The following KLHL4 variants were observed in gnomAD, a reference collection of about 807,000 sequenced individuals.
KLHL4 encodes kelch like family member 4.
KLHL4 carries 17 observed loss-of-function variants against 45.8 expected under a neutral mutation model. That is an observed-to-expected ratio of 0.37 (90% CI 0.25 to 0.56). The LOEUF (loss-of-function observed/expected upper bound fraction) is 0.56. KLHL4 is among the 20% of genes least tolerant of loss of function. KLHL4 has a pLI of 0.79. For synonymous variants in KLHL4, 224 were observed against 189.9 expected (o/e 1.18, Z -1.47); for missense variants, 544 against 544.9 (o/e 1.00, Z 0.02).
At chrX:87,533,031 A>T (rs1290947527) in intron 1 of KLHL4, among the ~76,000 whole-genome samples, 25 of 105,837 alleles carry the variant, frequency 2.4e-4, no homozygotes, top group Non-Finnish European at 4.7e-4. Flanking sequence ...TTAGAATGGC[A>T]ATCATTAAAA....
chrX:87,644,360 A>G (rs1034571787), intron 9 of KLHL4, among the ~76,000 whole-genome samples: 5 of 111,044 alleles, frequency 4.5e-5, no homozygotes, highest in African/African-American at 9.8e-5. Flanking sequence ...GGGTCAAAAG[A>G]CCTCTACAAG....
At chrX:87,542,613 G>A (rs1931585102) in intron 1 of KLHL4, among the ~76,000 whole-genome samples, 1 of 112,662 alleles carries the variant, frequency 8.9e-6, no homozygotes, top group South Asian at 3.6e-4. Flanking sequence ...TGGGGCATGT[G>A]GCCCCTTTGT....
intron 1 of KLHL4, among the ~76,000 whole-genome samples, chrX:87,600,347 G>A (rs759099586): frequency 3.5e-4 from 39 of 110,948 alleles, no homozygotes; most frequent in African/African-American, 1.2e-3. Flanking sequence ...AGCCGGGCGT[G>A]GTGGCGGGCA....
At chrX:87,632,513 T>C in intron 7 of KLHL4, 79 bp downstream of exon 7, 1 of 660,166 alleles carries the variant, frequency 1.5e-6, no homozygotes, top group Non-Finnish European at 2.2e-6. Flanking sequence ...CAGCACATTA[T>C]TGGGATTTAG....
intron 9 of KLHL4, among the ~76,000 whole-genome samples, chrX:87,636,757 C>T (rs1253980120): frequency 9.1e-6 from 1 of 109,792 alleles, no homozygotes; most frequent in Non-Finnish European, 1.9e-5. Flanking sequence ...AGCCATAATC[C>T]CCCTGGGAAC....
intron 1 of KLHL4, among the ~76,000 whole-genome samples, chrX:87,585,433 T>C (rs952345600): frequency 7.2e-5 from 8 of 111,606 alleles, no homozygotes. Context: ...CATAGTACAA[T>C]ACGATATAAA....
At chrX:87,629,473 A>G (rs1923033253) in intron 6 of KLHL4, among the ~76,000 whole-genome samples, 2 of 110,780 alleles carry the variant, frequency 1.8e-5, no homozygotes, top group Admixed American at 1.9e-4. Flanking sequence ...GGATCATTTT[A>G]TCTTTATTGA....
chrX:87,653,709 G>A (rs1032166763), intron 9 of KLHL4, among the ~76,000 whole-genome samples: 10 of 111,606 alleles, frequency 9.0e-5, no homozygotes, highest in African/African-American at 2.6e-4. Context: ...ATTCATAATA[G>A]CAAAGACATA....
chrX:87,647,001 A>G (rs905369964), intron 9 of KLHL4, among the ~76,000 whole-genome samples: 1 of 111,447 alleles, frequency 9.0e-6, no homozygotes, highest in Admixed American at 9.5e-5. Flanking sequence ...CATCTAACAA[A>G]GGACAGAATC....
chrX:87,527,814 G>GA lies in KLHL4; in HGVS notation c.422+9514dup, dbSNP rs11354717. Among the ~76,000 whole-genome samples, 564 of 82,906 alleles carry GA rather than the reference G, an allele frequency of 6.8e-3. 4 individuals carry two copies. The highest frequency in any genetic ancestry group is 8.4e-3 in the Non-Finnish European group (338 of 40,151). The allele number at this position is 82,906 out of a possible 115,157, so 72.0% of individuals were successfully genotyped here. On this transcript the variant is annotated intron_variant, in intron 1 of 10. Coordinates refer to ENST00000373119, the MANE Select transcript of KLHL4 (RefSeq NM_019117.5). The stretch of plus-strand genomic sequence containing the variant: ...TCTGGGAAAGCTACTCACAAAATTG[G>GA]AAAAAAAAAAAAAAACAATTGTTCT...
In KLHL4 at chrX:87,618,122, C is replaced by T. The variant is rs1316419062; in HGVS notation, c.918C>T (p.Tyr306=). The T allele has an allele frequency of 2.6e-6, 3 of 1,176,332 alleles. No homozygotes were observed. The highest frequency in any genetic ancestry group is 3.4e-6 in the Non-Finnish European group (3 of 875,550). Residue 306 remains tyrosine (Y), a synonymous_variant, in exon 4 of 11, where the codon TAC becomes TAT. Coordinates refer to ENST00000373119, the MANE Select transcript of KLHL4 (RefSeq NM_019117.5). ...AACTTCTGAACGTGGCACACAAATA[C>T]ACTATGGTAAAATCAATTGCTTCAA... ...CTELLNVAHK[Y]TMEHFIEVIK...
intron 1 of KLHL4, among the ~76,000 whole-genome samples, chrX:87,540,985 T>A (rs1465931281): frequency 9.0e-6 from 1 of 111,148 alleles, no homozygotes; most frequent in Non-Finnish European, 1.9e-5. Flanking sequence ...AGGGAACCAC[T>A]GTCATATATG....
chrX:87,597,594 C>T (rs773440760), intron 1 of KLHL4, among the ~76,000 whole-genome samples: 2 of 111,598 alleles, frequency 1.8e-5, no homozygotes, highest in Non-Finnish European at 3.8e-5. Context: ...GAGTTAGGTA[C>T]ATATGGAAAG....
At chrX:87,648,019 G>C (rs1280895915) in intron 9 of KLHL4, among the ~76,000 whole-genome samples, 1 of 110,833 alleles carries the variant, frequency 9.0e-6, no homozygotes, top group African/African-American at 3.3e-5. Flanking sequence ...ATATACAGAA[G>C]TATTTATTGC....
intron 1 of KLHL4, among the ~76,000 whole-genome samples, chrX:87,582,909 C>T (rs1921332241): frequency 9.0e-6 from 1 of 111,570 alleles, no homozygotes; most frequent in Admixed American, 9.4e-5. Context: ...CTGGGGTGGC[C>T]AGCTTTTATT....
At chrX:87,559,992 T>C (rs1386714417) in intron 1 of KLHL4, among the ~76,000 whole-genome samples, 1 of 112,097 alleles carries the variant, frequency 8.9e-6, no homozygotes, top group Non-Finnish European at 1.9e-5. Flanking sequence ...GAATATTGTG[T>C]TTATATGTGT....
At chrX:87,644,078 G>A (rs769500754) in intron 9 of KLHL4, among the ~76,000 whole-genome samples, 1 of 111,218 alleles carries the variant, frequency 9.0e-6, no homozygotes, top group East Asian at 2.8e-4. Context: ...AAGGAATAAA[G>A]GGCATCCAAA....
chrX:87,587,070 A>G (rs1224908784), intron 1 of KLHL4, among the ~76,000 whole-genome samples: 3 of 107,275 alleles, frequency 2.8e-5, no homozygotes, highest in African/African-American at 1.0e-4. Flanking sequence ...GATTGAACCA[A>G]AAATAAATCT....
Position 87,666,749 on chromosome X carries a change from T to C in KLHL4, c.*215T>C, listed in dbSNP as rs1346256050. The C allele has an allele frequency of 1.1e-6, 1 of 934,414 alleles. No individual in the cohort carries two copies. The highest frequency in any genetic ancestry group is 1.3e-6 in the Non-Finnish European group (1 of 751,902). The allele number at this position is 934,414 out of a possible 1,213,427, so 77.0% of individuals were successfully genotyped here. ...ATATGAATTATTAAGCATATGTGCT[T>C]TCGCAGCTGATAATATAAAAGGAAA... is the stretch of plus-strand genomic sequence containing the variant. On this transcript the variant is annotated 3_prime_UTR_variant, in exon 11 of 11. Transcript: ENST00000373119.
Sources: gnomAD v4.1 joint callset for allele counts (sites outside exome capture counted in the v4.1 genomes callset) on GRCh38, gnomAD v4.1.1 for gene constraint, MANE v1.5 for transcripts, NCBI Gene and HGNC (gene_info 2026-07-23, HGNC 2026-07-21) for gene names.